NRG1: variants seen among roughly 807,000 people sequenced by gnomAD.
The protein encoded by NRG1 is pro-neuregulin-1, membrane-bound isoform.
A neutral mutation model predicts 63.8 loss-of-function variants in NRG1; 18 were observed. That is an observed-to-expected ratio of 0.28 (90% confidence interval 0.19 to 0.42). The LOEUF (loss-of-function observed/expected upper bound fraction) is 0.42, where lower values mean the gene tolerates loss of function less well. Among genes scored for constraint, NRG1 ranks in the 10% least tolerant of loss-of-function variants. NRG1 has a pLI of 1.00. For missense variants in NRG1, 762 were observed against 814.7 expected (o/e 0.94, Z 0.79); for synonymous variants, 302 against 301.3 (o/e 1.00, Z -0.02).
intron 5 of NRG1, among the ~76,000 whole-genome samples, chr8:32,675,299 C>T (rs1806789233): frequency 6.6e-6 from 1 of 152,196 alleles, no homozygotes; most frequent in Non-Finnish European, 1.5e-5. Context: ...TCTTCCTCCA[C>T]AGCACAGATC....
intron 1 of NRG1, among the ~76,000 whole-genome samples, chr8:31,814,226 A>C (rs184545909): frequency 2.1e-4 from 32 of 152,248 alleles, no homozygotes; most frequent in Admixed American, 3.3e-4. Flanking sequence ...AGACGTCCTC[A>C]CTGATGAGTC....
chr8:32,415,813 C>T (rs1244302806), intron 1 of NRG1, among the ~76,000 whole-genome samples: 1 of 152,118 alleles, frequency 6.6e-6, no homozygotes, highest in African/African-American at 2.4e-5. Flanking sequence ...TGTATCTGAT[C>T]ATAGTTTTCA....
chr8:31,639,527 G>T lies in NRG1; in HGVS notation c.37+96G>T. On this transcript the variant is annotated intron_variant, in intron 1 of 10. Coordinates refer to the NRG1 transcript ENST00000519301. Reference sequence around the variant, plus strand: ...CCGCCTCCAGGGCTCTCTCCCTCGCGCTCTCTCCCAGCCGCTTGCTCGCAG... The same window carrying T: ...CCGCCTCCAGGGCTCTCTCCCTCGCTCTCTCTCCCAGCCGCTTGCTCGCAG... 4 of 1,494,346 alleles carry T rather than the reference G, an allele frequency of 2.7e-6. No homozygotes were observed. The South Asian group carries it at 5.0e-5, about 19-fold the overall frequency. The allele number at this position is 1,494,346 out of a possible 1,614,324, so 92.6% of individuals were successfully genotyped here.
At chr8:31,801,111 T>G (rs1356230303) in intron 1 of NRG1, among the ~76,000 whole-genome samples, 1 of 151,926 alleles carries the variant, frequency 6.6e-6, no homozygotes, top group African/African-American at 2.4e-5. Flanking sequence ...CCTCCCAAAG[T>G]GCTGGGGTTA....
chr8:32,271,393 T>C (rs755771877), intron 1 of NRG1, among the ~76,000 whole-genome samples: 4 of 152,124 alleles, frequency 2.6e-5, no homozygotes, highest in Non-Finnish European at 4.4e-5. Flanking sequence ...GATTCAGAGA[T>C]GAGGGGCAGG....
At chr8:32,390,157 C>A (rs369782645) in intron 1 of NRG1, among the ~76,000 whole-genome samples, 1 of 152,146 alleles carries the variant, frequency 6.6e-6, no homozygotes, top group South Asian at 2.1e-4. Flanking sequence ...TCTTAAAAGA[C>A]GCCATGTTCT....
intron 1 of NRG1, among the ~76,000 whole-genome samples, chr8:32,058,573 AT>A (rs1243044440): frequency 8.6e-5 from 13 of 150,984 alleles, no homozygotes; most frequent in Non-Finnish European, 1.9e-4. Context: ...AATTATTTTT[AT>A]TTTTTTATTT....
chr8:32,551,135 G>A (rs1834022192), intron 1 of NRG1, among the ~76,000 whole-genome samples: 1 of 152,112 alleles, frequency 6.6e-6, no homozygotes, highest in African/African-American at 2.4e-5. Flanking sequence ...CCTTGTCTTA[G>A]GAGAATTCAT....
intron 1 of NRG1, among the ~76,000 whole-genome samples, chr8:31,856,292 C>A (rs1827859521): frequency 6.6e-6 from 1 of 152,290 alleles, no homozygotes; most frequent in Admixed American, 6.5e-5. Flanking sequence ...TCCCATATTT[C>A]TTGGAGGCTT....
chr8:32,038,625 T>G (rs961173489), intron 1 of NRG1, among the ~76,000 whole-genome samples: 2 of 152,190 alleles, frequency 1.3e-5, no homozygotes, highest in African/African-American at 4.8e-5. Context: ...ATTATTCCTG[T>G]ATAGTTCTCT....
chr8:31,730,484 TTTG>T (rs1356963709), intron 1 of NRG1, among the ~76,000 whole-genome samples: 1 of 152,152 alleles, frequency 6.6e-6, no homozygotes, highest in East Asian at 1.9e-4. Flanking sequence ...TATTGAATAA[TTTG>T]TTGTTTAAAA....
intron 1 of NRG1, among the ~76,000 whole-genome samples, chr8:32,322,844 A>C (rs906502030): frequency 6.9e-6 from 1 of 145,692 alleles, no homozygotes; most frequent in Non-Finnish European, 1.5e-5. Context: ...ATTTTATTCT[A>C]TAATAGCAAT....
chr8:31,851,590 AT>A (rs1827225170), intron 1 of NRG1, among the ~76,000 whole-genome samples: 1 of 151,934 alleles, frequency 6.6e-6, no homozygotes, highest in Non-Finnish European at 1.5e-5. Flanking sequence ...ATGGGAATAC[AT>A]TCTTATTTTT....
rs77414980 is a variant in NRG1 at position 32,757,566 on chromosome 8, G to T, written c.921+1037G>T. The stretch of plus-strand genomic sequence containing the variant: ...AGGTGCTTATAGGTTAACACACTCT[G>T]TTGCCTTTTCACCCTCTAACAGTGT... On this transcript the variant is annotated intron_variant, in intron 9 of 11. Coordinates refer to ENST00000356819, the Ensembl canonical transcript of NRG1. 1.8e-4 allele frequency among the ~76,000 whole-genome samples: 28 copies of T among 152,248 alleles called. No individual in the cohort carries two copies. In the East Asian group the frequency reaches 5.4e-3, roughly 29 times the overall value.
At chr8:32,327,803 G>A (rs1802188201) in intron 1 of NRG1, among the ~76,000 whole-genome samples, 2 of 152,202 alleles carry the variant, frequency 1.3e-5, no homozygotes, top group Non-Finnish European at 2.9e-5. Context: ...GTGAGATTGT[G>A]AGATTCCTCT....
At chr8:32,223,628 G>T (rs759451175) in intron 1 of NRG1, among the ~76,000 whole-genome samples, 1 of 152,242 alleles carries the variant, frequency 6.6e-6, no homozygotes, top group Non-Finnish European at 1.5e-5. Flanking sequence ...ATGCACTGTT[G>T]TGTATTTTTG....
chr8:31,819,772 A>G (rs1275376774), intron 1 of NRG1, among the ~76,000 whole-genome samples: 2 of 152,218 alleles, frequency 1.3e-5, no homozygotes, highest in African/African-American at 4.8e-5. Flanking sequence ...CTATTCAACA[A>G]AGCCTCACAT....
At chr8:32,605,513 T>G (rs748946413) in intron 2 of NRG1, 49 bp from the exon 3 acceptor site, 50 of 1,605,162 alleles carry the variant, frequency 3.1e-5, no homozygotes, top group Non-Finnish European at 4.1e-5. Flanking sequence ...TTTATATTTG[T>G]TGGATTTCTG....
intron 1 of NRG1, among the ~76,000 whole-genome samples, chr8:31,805,376 G>A (rs1020355057): frequency 1.3e-5 from 2 of 151,894 alleles, no homozygotes; most frequent in Admixed American, 1.3e-4. Flanking sequence ...TGAAATTGGA[G>A]ATTTTAATTG....
Sources: gnomAD v4.1 joint callset for allele counts (sites outside exome capture counted in the v4.1 genomes callset) on GRCh38, gnomAD v4.1.1 for gene constraint, MANE v1.5 for transcripts, NCBI Gene and HGNC (gene_info 2026-07-23, HGNC 2026-07-21) for gene names.